LAMP3: variants seen among roughly 807,000 people sequenced by gnomAD.
LAMP3 encodes the protein lysosome associated membrane protein 3, also known as lysosome-associated membrane glycoprotein 3.
A neutral mutation model predicts 34.8 loss-of-function variants in LAMP3; 26 were observed. The observed-to-expected ratio is 0.75, with a 90% confidence interval of 0.55 to 1.04. The LOEUF (loss-of-function observed/expected upper bound fraction) is 1.04, where lower values mean the gene tolerates loss of function less well. Ranked by LOEUF, LAMP3 falls within the 50% of genes least tolerant of loss-of-function variation. The probability of loss-of-function intolerance (pLI) is 0.00; values close to 1 mark genes in which losing one functional copy is unlikely to be tolerated. For synonymous variants in LAMP3, 180 were observed against 201.9 expected (o/e 0.89, Z 0.92); for missense variants, 495 against 524.0 (o/e 0.94, Z 0.54).
At chr3:183,143,594 T>C (rs527748568) in intron 3 of LAMP3, among the ~76,000 whole-genome samples, 40 of 152,296 alleles carry the variant, frequency 2.6e-4, no homozygotes, top group African/African-American at 9.6e-4. Flanking sequence ...ATATGGTATT[T>C]AAGCCCTGGG....
At chr3:183,142,135 C>T (rs1206674383) in intron 3 of LAMP3, among the ~76,000 whole-genome samples, 1 of 152,080 alleles carries the variant, frequency 6.6e-6, no homozygotes, top group Non-Finnish European at 1.5e-5. Context: ...CTTTAATATA[C>T]CATTTATTTG....
At chr3:183,134,649 AC>A (rs1720030176) in intron 5 of LAMP3, among the ~76,000 whole-genome samples, 1 of 152,330 alleles carries the variant, frequency 6.6e-6, no homozygotes, top group South Asian at 2.1e-4. Context: ...GACAAAGCCT[AC>A]AGAAACCAGG....
At chr3:183,161,329 G>T (rs1193929211) in intron 1 of LAMP3, among the ~76,000 whole-genome samples, 2 of 152,132 alleles carry the variant, frequency 1.3e-5, no homozygotes, top group Non-Finnish European at 2.9e-5. Context: ...AAAGGAACCG[G>T]TAATGTGGGC....
intron 2 of LAMP3, 40 bp from the exon 3 acceptor site, chr3:183,152,543 G>A: frequency 6.4e-7 from 1 of 1,563,200 alleles, no homozygotes. Flanking sequence ...GAGATGTAGA[G>A]GAAAACTCTA....
intron 5 of LAMP3, among the ~76,000 whole-genome samples, chr3:183,128,125 G>A (rs1449284554): frequency 1.4e-5 from 2 of 139,584 alleles, no homozygotes; most frequent in Non-Finnish European, 3.1e-5. Flanking sequence ...TCCAGCGTGG[G>A]AGACAGAGCG....
intron 5 of LAMP3, among the ~76,000 whole-genome samples, chr3:183,127,067 A>G (rs886383452): frequency 2.6e-5 from 4 of 152,234 alleles, no homozygotes; most frequent in African/African-American, 9.6e-5. Context: ...CAGTTTAAAC[A>G]TTATCTATTG....
Position 183,152,653 on chromosome 3 carries a change from C to T in LAMP3, c.760-150G>A, listed in dbSNP as rs919364417. 1.6e-5 allele frequency: 10 copies of T among 630,306 alleles called. No individual in the cohort carries two copies. The African/African-American group carries it at 1.9e-4, about 12-fold the overall frequency. The allele number at this position is 630,306 out of a possible 1,614,324, so 39.0% of individuals were successfully genotyped here. ...GTCCCCAGACAACACCTCTCGTTTT[C>T]AAACTGTTATGTTCAAAAGCTTTCT... On this transcript the variant is annotated intron_variant, in intron 2 of 5. Transcript: ENST00000265598.
intron 4 of LAMP3, 21 bp from the exon 5 acceptor site, chr3:183,135,908 T>C (rs1006688691): frequency 1.9e-6 from 3 of 1,593,292 alleles, no homozygotes; most frequent in Non-Finnish European, 1.7e-6. Context: ...GACAGATAGA[T>C]GCATAAGAGT....
intron 4 of LAMP3, among the ~76,000 whole-genome samples, chr3:183,138,638 T>C (rs1720173740): frequency 1.3e-5 from 2 of 152,148 alleles, no homozygotes; most frequent in African/African-American, 4.8e-5. Flanking sequence ...GTTCTCTGAA[T>C]TTCCCCCACT....
intron 4 of LAMP3, among the ~76,000 whole-genome samples, chr3:183,138,524 A>C (rs2108600540): frequency 6.6e-6 from 1 of 152,308 alleles, no homozygotes; most frequent in East Asian, 1.9e-4. Flanking sequence ...GGATACAAAC[A>C]AATAAAGGTT....
At chr3:183,150,841 G>T (rs2108609646) in intron 3 of LAMP3, among the ~76,000 whole-genome samples, 1 of 151,884 alleles carries the variant, frequency 6.6e-6, no homozygotes, top group South Asian at 2.1e-4. Flanking sequence ...GACTTTTAAA[G>T]AAATTCTTGT....
chr3:183,153,644 T>C (rs780539348), intron 2 of LAMP3, 38 bp downstream of exon 2: 31 of 1,416,680 alleles, frequency 2.2e-5, no homozygotes, highest in Middle Eastern at 1.8e-4. Flanking sequence ...ACTCAGACTT[T>C]TTGAAGATAG....
At chr3:183,163,267 TTTTA>T (rs148561584), upstream of LAMP3, among the ~76,000 whole-genome samples, 21,359 of 143,772 alleles carry the variant, frequency 0.15, 1,678 homozygotes, top group East Asian at 0.33. Flanking sequence ...GGGTCTCCTC[TTTTA>T]TTTCTTTTCT....
chr3:183,153,385 G>A (rs1200455913), intron 2 of LAMP3, among the ~76,000 whole-genome samples: 2 of 152,096 alleles, frequency 1.3e-5, no homozygotes, highest in African/African-American at 4.8e-5. Context: ...TGGGAGGGAG[G>A]GGCTGAGATC....
rs780800207 is a variant in LAMP3, at chr3:183,152,275, G to A, written c.888+100C>T. 146 of 1,272,406 alleles carry A rather than the reference G, an allele frequency of 1.1e-4. No individual in the cohort carries two copies. In the African/African-American group the frequency reaches 1.6e-3, roughly 14 times the overall value. The allele number at this position is 1,272,406 out of a possible 1,614,324, so 78.8% of individuals were successfully genotyped here. A position where few individuals can be genotyped will look rare whatever the true frequency, so the allele number is the denominator to read the frequency against. On this transcript the variant is annotated intron_variant, in intron 3 of 5. Coordinates refer to ENST00000265598, the MANE Select transcript of LAMP3 (RefSeq NM_014398.4). Reference sequence around the variant, plus strand: ...CAAACCCCTCATTCTTATCAGCAAAGATCTCAAACTGAAGTGTGGGGTTGC... The same window carrying A: ...CAAACCCCTCATTCTTATCAGCAAAAATCTCAAACTGAAGTGTGGGGTTGC...
chr3:183,139,387 CA>C (rs35474952), intron 4 of LAMP3, among the ~76,000 whole-genome samples: 5,233 of 81,190 alleles, frequency 0.064, 287 homozygotes, highest in East Asian at 0.28. Flanking sequence ...GAGACTGTCT[CA>C]AAAAAAAAAA....
At chr3:183,132,450 A>C (rs759001806) in intron 5 of LAMP3, 82 of 982,822 alleles carry the variant, frequency 8.3e-5, no homozygotes, top group Non-Finnish European at 9.3e-5. Context: ...ATGTATAAGA[A>C]AAATCAGTCA....
At chr3:183,143,283 A>C (rs1720341044) in intron 3 of LAMP3, among the ~76,000 whole-genome samples, 1 of 151,270 alleles carries the variant, frequency 6.6e-6, no homozygotes, top group Non-Finnish European at 1.5e-5. Flanking sequence ...TAATTTAAAA[A>C]AAATTTTTTT....
chr3:183,125,229 A>G (rs1184200651), intron 5 of LAMP3, among the ~76,000 whole-genome samples: 1 of 152,226 alleles, frequency 6.6e-6, no homozygotes, highest in Non-Finnish European at 1.5e-5. Context: ...CTTAGTCATT[A>G]TAGCTAAAAA....
Sources: allele counts gnomAD v4.1 joint callset (sites outside exome capture counted in the v4.1 genomes callset), GRCh38; gene constraint gnomAD v4.1.1; transcripts MANE v1.5; gene names NCBI Gene and HGNC (gene_info 2026-07-23, HGNC 2026-07-21).